NXN: variants seen among roughly 807,000 people sequenced by gnomAD.
NXN encodes the protein nucleoredoxin 1.
In NXN, 16 loss-of-function variants were observed where a neutral mutation model predicts 48.6. That is an observed-to-expected ratio of 0.33 (90% CI 0.22 to 0.50). The LOEUF is 0.50. NXN is among the 20% of genes least tolerant of loss of function. The probability of loss-of-function intolerance (pLI) is 0.98; values close to 1 mark genes in which losing one functional copy is unlikely to be tolerated. For synonymous variants in NXN, 281 were observed against 269.6 expected (o/e 1.04, Z -0.41); for missense variants, 492 against 605.5 (o/e 0.81, Z 1.97).
chr17:837,277 C>A (rs1674575581), intron 1 of NXN, among the ~76,000 whole-genome samples: 1 of 152,142 alleles, frequency 6.6e-6, no homozygotes, highest in South Asian at 2.1e-4. Context: ...TGTGTTCAGC[C>A]CCCATGCCAT....
chr17:978,823 C>T lies in NXN; in HGVS notation c.360+496G>A, dbSNP rs1049639668. On this transcript the variant is annotated intron_variant, in intron 1 of 7. Transcript: ENST00000336868. This position sits in a 1 kb window ranked among gnomAD's most constrained non-coding sequence, Gnocchi z 4.1. ...AACGCGCTGGTTTGGGCGCCACGGG[C>T]GGGGGGCGTGCGCCCTCCCCTCCCC... Among the ~76,000 whole-genome samples, 5 of 151,780 alleles carry T rather than the reference C, an allele frequency of 3.3e-5. No individual in the cohort carries two copies. The highest frequency in any genetic ancestry group is 5.9e-5 in the Non-Finnish European group (4 of 67,910).
At chr17:846,430 AAG>A (rs71360647) in intron 1 of NXN, among the ~76,000 whole-genome samples, 21,420 of 139,880 alleles carry the variant, frequency 0.15, 1,309 homozygotes, top group Middle Eastern at 0.21. Flanking sequence ...AAAAAAAAAA[AAG>A]AAAAGAAAAA....
At chr17:842,890 G>T (rs1037805064) in intron 1 of NXN, among the ~76,000 whole-genome samples, 1 of 152,008 alleles carries the variant, frequency 6.6e-6, no homozygotes, top group Non-Finnish European at 1.5e-5. Context: ...GGTAAGCCGA[G>T]ATCGCGCCAT....
intron 1 of NXN, among the ~76,000 whole-genome samples, chr17:900,970 G>C (rs695116): frequency 1.5e-5 from 2 of 129,648 alleles, no homozygotes; most frequent in Non-Finnish European, 3.1e-5. Flanking sequence ...GCCCAGCCTA[G>C]AGTGCAATGG....
intron 1 of NXN, among the ~76,000 whole-genome samples, chr17:952,150 T>TGC (rs2069119305): frequency 6.7e-6 from 1 of 149,508 alleles, no homozygotes; most frequent in Non-Finnish European, 1.5e-5. Flanking sequence ...CCACAGGAGG[T>TGC]TGCAGAAAAT....
intron 1 of NXN, among the ~76,000 whole-genome samples, chr17:889,225 C>T (rs537903129): frequency 4.3e-4 from 65 of 152,296 alleles, no homozygotes; most frequent in African/African-American, 1.6e-3. Context: ...CCACACTTGC[C>T]TTCTCAGGAG....
At position 808,940 on chromosome 17, in the gene NXN, C is replaced by G. The variant is rs4968114; in HGVS notation, c.821-3693G>C. Among the ~76,000 whole-genome samples the G allele has an allele frequency of 4.8e-3, 726 of 152,184 alleles. 11 individuals carry two copies. Among genetic ancestry groups the G allele is most frequent in the East Asian group, 0.036 (185 of 5,168 alleles). ...GATCTGCCCGCCTCGGCCTCCCAAA[C>G]TGCTGGGATTACAGGTGTGAGGCAC... On this transcript the variant is annotated intron_variant, in intron 5 of 7. Coordinates refer to ENST00000336868, the MANE Select transcript of NXN (RefSeq NM_022463.5).
At chr17:812,088 T>A (rs7217124) in intron 5 of NXN, among the ~76,000 whole-genome samples, 1 of 150,256 alleles carries the variant, frequency 6.7e-6, no homozygotes, top group African/African-American at 2.5e-5. Context: ...TCACCACGCC[T>A]GGCTAATTTT....
intron 1 of NXN, among the ~76,000 whole-genome samples, chr17:840,628 C>T (rs111614337): frequency 0.047 from 7,112 of 152,270 alleles, 268 homozygotes; most frequent in East Asian, 0.22. Context: ...CGTGAGCCAC[C>T]GCGCCCGGCC....
chr17:946,712 C>G (rs954584813), intron 1 of NXN, among the ~76,000 whole-genome samples: 3 of 152,220 alleles, frequency 2.0e-5, no homozygotes, highest in Non-Finnish European at 4.4e-5. Context: ...GACGACCCCC[C>G]GCAGCGGGCG....
chr17:805,404 C>T (rs1373374670), intron 5 of NXN, among the ~76,000 whole-genome samples, 157 bp from the exon 6 acceptor site: 2 of 152,124 alleles, frequency 1.3e-5, no homozygotes, highest in Non-Finnish European at 2.9e-5. Context: ...TCTAAAGTCA[C>T]AAAGCCTGGG....
At chr17:961,211 C>G (rs1015011316) in intron 1 of NXN, among the ~76,000 whole-genome samples, 1 of 151,882 alleles carries the variant, frequency 6.6e-6, no homozygotes, top group African/African-American at 2.4e-5. Flanking sequence ...CTGGCCAACA[C>G]GACAAAAGCC....
intron 1 of NXN, among the ~76,000 whole-genome samples, chr17:838,126 CTTTTT>C (rs66721481): frequency 4.0e-5 from 4 of 99,192 alleles, no homozygotes; most frequent in Middle Eastern, 8.6e-3. Context: ...TCCTTTCCTT[CTTTTT>C]TTTTTTTTTT....
In NXN at chr17:917,040, C is replaced by G. The variant is rs925958609; in HGVS notation, c.360+62279G>C. Among the ~76,000 whole-genome samples, 5 of 152,198 alleles carry G rather than the reference C, an allele frequency of 3.3e-5. No homozygotes were observed. Among genetic ancestry groups the G allele is most frequent in the African/African-American group, 7.2e-5 (3 of 41,454 alleles). ...CATTAATCACATTATCAGACATTCC[C>G]TGTGTGTCCTGTTCTGTTATACATG... On this transcript the variant is annotated intron_variant, in intron 1 of 7. Coordinates refer to ENST00000336868, the MANE Select transcript of NXN (RefSeq NM_022463.5). The surrounding 1 kb of genome is among the most constrained non-coding windows in gnomAD (Gnocchi z 4.5).
chr17:910,409 T>C (rs902880260), intron 1 of NXN, among the ~76,000 whole-genome samples: 24 of 137,652 alleles, frequency 1.7e-4, no homozygotes, highest in African/African-American at 6.5e-4. Context: ...GAGACTCCAT[T>C]AAAAAAAAAA....
At chr17:937,953 G>A (rs1203525248) in intron 1 of NXN, among the ~76,000 whole-genome samples, 1 of 152,252 alleles carries the variant, frequency 6.6e-6, no homozygotes, top group Admixed American at 6.5e-5. Flanking sequence ...AAAGGCCACA[G>A]GAGCCACGGG....
intron 5 of NXN, among the ~76,000 whole-genome samples, chr17:807,197 C>G (rs1911604324): frequency 6.6e-6 from 1 of 152,202 alleles, no homozygotes; most frequent in African/African-American, 2.4e-5. Flanking sequence ...ACAGGGACAG[C>G]TGGCCGCACA....
chr17:884,351 G>A (rs575141514), intron 1 of NXN, among the ~76,000 whole-genome samples: 237 of 152,310 alleles, frequency 1.6e-3, no homozygotes, highest in Non-Finnish European at 2.8e-3. Context: ...GTGACAGTGA[G>A]CTATGACTGC....
At chr17:887,694 T>G (rs945512061) in intron 1 of NXN, among the ~76,000 whole-genome samples, 2 of 152,130 alleles carry the variant, frequency 1.3e-5, no homozygotes, top group South Asian at 2.1e-4. Context: ...ATTCGCTCCA[T>G]GTCAGTGAAC....
Sources: gnomAD v4.1 joint callset for allele counts (sites outside exome capture counted in the v4.1 genomes callset) on GRCh38, gnomAD v4.1.1 for gene constraint, Gnocchi (gnomAD v3.1) non-coding constraint, MANE v1.5 for transcripts, NCBI Gene and HGNC (gene_info 2026-07-23, HGNC 2026-07-21) for gene names.